NBEA: variants seen among roughly 807,000 people sequenced by gnomAD.
NBEA encodes neurobeachin, also known as lysosomal-trafficking regulator 2.
A neutral mutation model predicts 343.4 loss-of-function variants in NBEA; 44 were observed. The observed-to-expected ratio is 0.13, with a 90% CI of 0.10 to 0.16. The LOEUF is 0.16. NBEA is among the 10% of genes least tolerant of loss of function. The pLI is 1.00. For missense variants in NBEA, 2,555 were observed against 3,631.3 expected (o/e 0.70, Z 7.62); for synonymous variants, 1,175 against 1,238.7 (o/e 0.95, Z 1.08).
At position 35,440,062 on chromosome 13, in the gene NBEA, TA is replaced by T. The variant is rs2045652290; in HGVS notation, c.6304+7670del. Among the ~76,000 whole-genome samples, 5 of 152,180 alleles carry T rather than the reference TA, an allele frequency of 3.3e-5. No homozygotes were observed. The South Asian group carries it at 1.0e-3, about 32-fold the overall frequency. On this transcript the variant is annotated intron_variant, in intron 39 of 58. Coordinates refer to ENST00000379939, the MANE Select transcript of NBEA (RefSeq NM_001385012.1). ...GCGCAGCTAATTTTTGTATTTTTAGTAGAGACAGGGTTTCACCATGTTGGCC... is the reference window on the plus strand; with the variant it reads ...GCGCAGCTAATTTTTGTATTTTTAGTGAGACAGGGTTTCACCATGTTGGCC...
intron 36 of NBEA, among the ~76,000 whole-genome samples, chr13:35,348,378 G>C (rs1010464854): frequency 6.6e-6 from 1 of 152,056 alleles, no homozygotes; most frequent in Non-Finnish European, 1.5e-5. Context: ...AACACACCCA[G>C]GCATAACAGT....
Position 35,646,342 on chromosome 13 carries a change from G to T in NBEA, c.7764G>T (p.Met2588Ile). The change falls in exon 51 of 59, where the codon ATG (methionine) becomes ATT (isoleucine). Residue 2588 changes from methionine to isoleucine, a missense_variant. Transcript: ENST00000379939. ...CACATCCGCCTCGGAGCTCTGCCAT[G>T]CACCTGGTAAGACATATCAGCATGT... ...IEPHPPRSSAMHLCFLPQSPL... is the reference protein window; with the variant it reads ...IEPHPPRSSAIHLCFLPQSPL... 6.2e-7 allele frequency: 1 copy of T among 1,612,206 alleles called. No individual in the cohort carries two copies. The highest frequency in any genetic ancestry group is 8.5e-7 in the Non-Finnish European group (1 of 1,178,538).
intron 34 of NBEA, among the ~76,000 whole-genome samples, chr13:35,233,173 C>A (rs971024882): frequency 6.6e-6 from 1 of 152,000 alleles, no homozygotes. Flanking sequence ...TAATCAAAAT[C>A]GTATTTCTTT....
At chr13:35,542,093 A>G (rs2153006141) in intron 41 of NBEA, among the ~76,000 whole-genome samples, 1 of 152,036 alleles carries the variant, frequency 6.6e-6, no homozygotes, top group East Asian at 1.9e-4. Flanking sequence ...AGATTATTAA[A>G]TCAAAAGTTC....
intron 1 of NBEA, among the ~76,000 whole-genome samples, chr13:35,028,154 A>G (rs1006222155): frequency 6.6e-6 from 1 of 151,898 alleles, no homozygotes; most frequent in Admixed American, 6.6e-5. Flanking sequence ...AGGTATTGTA[A>G]TTCCTTTGCC....
chr13:35,395,584 A>G (rs559179018), intron 38 of NBEA, among the ~76,000 whole-genome samples: 8 of 152,106 alleles, frequency 5.3e-5, no homozygotes, highest in Non-Finnish European at 8.8e-5. Context: ...ACTAATACAC[A>G]TACCATGTTC....
At chr13:35,488,645 AAG>A (rs1305101166) in intron 41 of NBEA, among the ~76,000 whole-genome samples, 10 of 151,964 alleles carry the variant, frequency 6.6e-5, no homozygotes, top group Non-Finnish European at 1.5e-4. Context: ...TGACAATAAC[AAG>A]AGTTTCTAAA....
chr13:35,346,790 G>A (rs948728275), intron 36 of NBEA, among the ~76,000 whole-genome samples: 30 of 152,086 alleles, frequency 2.0e-4, no homozygotes, highest in African/African-American at 6.3e-4. Context: ...TGACAGAGTA[G>A]TTATTTAACC....
chr13:35,173,584 C>G lies in NBEA; in HGVS notation c.4544C>G (p.Ala1515Gly). Residue 1515 changes from alanine (A) to glycine (G), a missense_variant, in exon 27 of 59, where the codon GCA (alanine) becomes GGA (glycine). Ala to Gly is a moderately conservative substitution (Grantham distance 60, BLOSUM62 0). Around this residue, in one of 21 missense-constraint regions of NBEA, gnomAD observed 168 missense variants for 193.0 expected, o/e 0.87. Coordinates refer to ENST00000379939, the MANE Select transcript of NBEA (RefSeq NM_001385012.1). ...QEVPQSVTAT[A>G]ASKTPLENVP... Reference sequence around the variant, plus strand: ...GTTCCTCAAAGTGTGACTGCTACAGCAGCTTCGAAGGTAAGTAAACTTTTT... The same window carrying G: ...GTTCCTCAAAGTGTGACTGCTACAGGAGCTTCGAAGGTAAGTAAACTTTTT... 6 of 1,599,940 alleles carry G rather than the reference C, an allele frequency of 3.8e-6. No individual in the cohort carries two copies. The highest frequency in any genetic ancestry group is 5.1e-6 in the Non-Finnish European group (6 of 1,175,208).
intron 1 of NBEA, among the ~76,000 whole-genome samples, chr13:35,031,694 G>A (rs1476558037): frequency 6.6e-6 from 1 of 151,326 alleles, no homozygotes; most frequent in East Asian, 1.9e-4. Flanking sequence ...TTGTTACATA[G>A]GTAAACTCAT....
intron 1 of NBEA, among the ~76,000 whole-genome samples, chr13:35,008,104 TC>T (rs1203719594): frequency 2.0e-5 from 3 of 152,184 alleles, no homozygotes; most frequent in African/African-American, 7.2e-5. Flanking sequence ...ATTGTTACAA[TC>T]CAACTAAGAA....
At chr13:35,181,912 G>A (rs1446820853) in intron 28 of NBEA, among the ~76,000 whole-genome samples, 2 of 151,452 alleles carry the variant, frequency 1.3e-5, no homozygotes, top group Non-Finnish European at 3.0e-5. Context: ...ATAGTCTCTT[G>A]TTCCAGTTAC....
At position 35,053,967 on chromosome 13, in the gene NBEA, G is replaced by A. The variant is rs375488480; in HGVS notation, c.973-2043G>A. Among the ~76,000 whole-genome samples, 52 of 152,218 alleles carry A rather than the reference G, an allele frequency of 3.4e-4. No individual in the cohort carries two copies. In the East Asian group the frequency reaches 4.1e-3, roughly 12 times the overall value. ...CTAGTAACTTGGGAATCCAATTCATGTCTTTATGAAGTAAAATTCTTCCTG... is the reference window on the plus strand; with the variant it reads ...CTAGTAACTTGGGAATCCAATTCATATCTTTATGAAGTAAAATTCTTCCTG... On this transcript the variant is annotated intron_variant, in intron 6 of 58. Transcript: ENST00000379939.
chr13:35,561,117 A>T (rs1307351124), intron 44 of NBEA, among the ~76,000 whole-genome samples: 1 of 152,172 alleles, frequency 6.6e-6, no homozygotes, highest in Non-Finnish European at 1.5e-5. Flanking sequence ...TAATCTTCAT[A>T]TAGCACCGTC....
At chr13:35,164,571 TGGTG>T (rs1047636089) in intron 24 of NBEA, 62 bp downstream of exon 24, 1 of 1,517,432 alleles carries the variant, frequency 6.6e-7, no homozygotes, top group African/African-American at 1.4e-5. Context: ...AGCATTTCAG[TGGTG>T]GTCTAGGCTA....
At chr13:35,114,132 T>C (rs1357529012) in intron 13 of NBEA, among the ~76,000 whole-genome samples, 1 of 152,196 alleles carries the variant, frequency 6.6e-6, no homozygotes, top group Non-Finnish European at 1.5e-5. Flanking sequence ...GGTGTGCTTC[T>C]TGGTTTTTGA....
At chr13:35,026,873 A>G (rs1251768505) in intron 1 of NBEA, among the ~76,000 whole-genome samples, 2 of 152,130 alleles carry the variant, frequency 1.3e-5, no homozygotes, top group Non-Finnish European at 2.9e-5. Context: ...GAAGTATTCT[A>G]TTACTACAAA....
chr13:35,343,896 G>C (rs1279921963), intron 36 of NBEA, among the ~76,000 whole-genome samples: 1 of 151,996 alleles, frequency 6.6e-6, no homozygotes, highest in Non-Finnish European at 1.5e-5. Context: ...AATAATAATA[G>C]GAATAAAGTA....
intron 7 of NBEA, among the ~76,000 whole-genome samples, chr13:35,058,067 A>G (rs2063333994): frequency 1.3e-5 from 2 of 152,126 alleles, no homozygotes; most frequent in South Asian, 4.1e-4. Context: ...GGCGGGGTGT[A>G]AGAAGTAGAG....
Sources: gnomAD v4.1 joint callset for allele counts (sites outside exome capture counted in the v4.1 genomes callset) on GRCh38, gnomAD v4.1.1 for gene constraint, gnomAD v4.1.1 regional missense constraint, MANE v1.5 for transcripts, NCBI Gene and HGNC (gene_info 2026-07-23, HGNC 2026-07-21) for gene names.